The following HMCN1 variants were observed in gnomAD, a reference collection of about 807,000 sequenced individuals.
HMCN1 encodes the protein hemicentin-1.
In HMCN1, 321 loss-of-function variants were observed where a neutral mutation model predicts 625.9. The observed-to-expected ratio is 0.51, with a 90% confidence interval of 0.47 to 0.56. The LOEUF is 0.56. Ranked by LOEUF, HMCN1 falls within the 20% of genes least tolerant of loss-of-function variation. HMCN1 has a pLI of 0.00. For missense variants in HMCN1, 6,588 were observed against 6,887.3 expected, an observed-to-expected ratio of 0.96 and a Z score of 1.54; for synonymous variants, 2,425 against 2,417.6, an observed-to-expected ratio of 1.00 and a Z score of -0.09.
chr1:186,019,354 GTAAC>G (rs905492941), intron 34 of HMCN1, among the ~76,000 whole-genome samples, 183 bp from the exon 35 acceptor site: 21 of 152,034 alleles, frequency 1.4e-4, no homozygotes, highest in Admixed American at 1.3e-3. Context: ...TAGTTAAGAA[GTAAC>G]TAATCTATAA....
chr1:186,055,260 T>A, intron 44 of HMCN1, 133 bp from the exon 45 acceptor site: 1 of 827,100 alleles, frequency 1.2e-6, no homozygotes, highest in Non-Finnish European at 2.0e-6. Context: ...TGTCTGTTAG[T>A]CCTGGGTCTT....
chr1:185,861,649 C>A (rs1241929298), intron 2 of HMCN1, among the ~76,000 whole-genome samples: 1 of 152,162 alleles, frequency 6.6e-6, no homozygotes, highest in East Asian at 1.9e-4. Context: ...TCCCACTTTC[C>A]TATTACATAA....
chr1:186,038,720 C>A, intron 37 of HMCN1, 109 bp from the exon 38 acceptor site: 1 of 717,534 alleles, frequency 1.4e-6, no homozygotes, highest in Non-Finnish European at 2.5e-6. Context: ...AGATTAAATT[C>A]AAATAATAAG....
intron 6 of HMCN1, among the ~76,000 whole-genome samples, chr1:185,914,004 A>G (rs545260287): frequency 1.8e-4 from 27 of 152,282 alleles, no homozygotes; most frequent in Non-Finnish European, 3.7e-4. Context: ...AAGACACAGT[A>G]TCTATTATTA....
At position 185,995,019 on chromosome 1, in the gene HMCN1, G is replaced by A; in HGVS notation, c.3710G>A (p.Gly1237Asp). The A allele has an allele frequency of 6.2e-7, 1 of 1,613,700 alleles. No individual in the cohort carries two copies. The highest frequency in any genetic ancestry group is 8.5e-7 in the Non-Finnish European group (1 of 1,179,752). ...SIDQATPSDA[G>D]IYTCVATNIA... ...GACCAAGCCACGCCCTCAGATGCTG[G>A]CATATATACATGTGTTGCTACTAAC... is the stretch of plus-strand genomic sequence containing the variant. Residue 1237 changes from glycine (G) to aspartate (D), a missense_variant, in exon 24 of 107, where the codon GGC (glycine) becomes GAC (aspartate). Physicochemically the swap from Gly to Asp is moderately conservative, Grantham distance 94. This residue lies in a region of HMCN1 where 4,628 missense variants were observed against 4,853.1 expected (regional missense o/e 0.95). Coordinates refer to ENST00000271588, the MANE Select transcript of HMCN1 (RefSeq NM_031935.3).
At position 185,739,696 on chromosome 1, in the gene HMCN1, G is replaced by A. The variant is rs146941439; in HGVS notation, c.268+4649G>A. Among the ~76,000 whole-genome samples, 78 of 152,258 alleles carry A rather than the reference G, an allele frequency of 5.1e-4. 1 individual carries two copies. The East Asian group carries it at 7.5e-3, about 15-fold the overall frequency. On this transcript the variant is annotated intron_variant, in intron 1 of 106. Transcript: ENST00000271588. ...AAAAGGGCGTAAAACAGATAAAAGC[G>A]CCTGCATTCATGGAGCTTACATTCT...
chr1:185,874,894 G>GA (rs1020445687), intron 4 of HMCN1, among the ~76,000 whole-genome samples: 48 of 151,832 alleles, frequency 3.2e-4, no homozygotes, highest in African/African-American at 1.0e-3. Flanking sequence ...TAAAAAAGGA[G>GA]AAAGTCTTCA....
chr1:185,832,085 C>G (rs149869442), intron 1 of HMCN1, among the ~76,000 whole-genome samples: 11 of 152,140 alleles, frequency 7.2e-5, no homozygotes, highest in Non-Finnish European at 1.3e-4. Context: ...CTCTTGAGGT[C>G]GGAAGTTCGA....
intron 1 of HMCN1, among the ~76,000 whole-genome samples, chr1:185,783,873 C>G (rs1169623339): frequency 5.3e-5 from 8 of 152,204 alleles, no homozygotes; most frequent in African/African-American, 1.2e-4. Flanking sequence ...GTCTTCAAAG[C>G]TGTTAGCCAC....
chr1:186,090,907 GA>G lies in HMCN1; in HGVS notation c.9880del (p.Arg3294GlufsTer4). ...AAAGCCCATAGCTAGTGGTGAAACA[GA>G]AAGAATCCGGTATGTTTAAAAATAA... ...DGKPIASGET[E>X]RIRVSANGST... is the part of the protein sequence containing the mutation. On this transcript the variant is annotated frameshift_variant, in exon 64 of 107. Coordinates refer to ENST00000271588, the MANE Select transcript of HMCN1 (RefSeq NM_031935.3). LOFTEE classifies it high-confidence loss of function. 1.2e-6 allele frequency: 2 copies of G among 1,611,900 alleles called. No individual in the cohort carries two copies. The highest frequency in any genetic ancestry group is 1.7e-6 in the Non-Finnish European group (2 of 1,178,470).
chr1:185,765,748 A>G (rs1655832834), intron 1 of HMCN1, among the ~76,000 whole-genome samples: 1 of 152,224 alleles, frequency 6.6e-6, no homozygotes, highest in South Asian at 2.1e-4. Context: ...GACTAGCAGC[A>G]TCAGCATTAA....
rs186772200 is a variant in HMCN1, at chr1:186,034,182, C to T, written c.5750-3752C>T. Among the ~76,000 whole-genome samples, 626 of 152,184 alleles carry T rather than the reference C, an allele frequency of 4.1e-3. 6 individuals carry two copies. The highest frequency in any genetic ancestry group is 0.013 in the Admixed American group (204 of 15,270). The stretch of plus-strand genomic sequence containing the variant: ...CACACACTTCCTCACATGCCCTGCC[C>T]GTTGCTGGCTTTGAAGATGGAGGAA... On this transcript the variant is annotated intron_variant, in intron 36 of 106. Coordinates refer to ENST00000271588, the MANE Select transcript of HMCN1 (RefSeq NM_031935.3).
chr1:186,107,796 T>G (rs1660682042), intron 70 of HMCN1, among the ~76,000 whole-genome samples: 1 of 152,122 alleles, frequency 6.6e-6, no homozygotes, highest in Non-Finnish European at 1.5e-5. Flanking sequence ...ACACTCACTC[T>G]TCTAAGGATT....
chr1:186,051,060 G>A (rs1217963362), intron 42 of HMCN1, among the ~76,000 whole-genome samples: 1 of 151,994 alleles, frequency 6.6e-6, no homozygotes, highest in Admixed American at 6.6e-5. Flanking sequence ...TATTCAATGA[G>A]CTTAATATCA....
intron 1 of HMCN1, among the ~76,000 whole-genome samples, chr1:185,779,771 C>G (rs1349376378): frequency 6.6e-6 from 1 of 152,190 alleles, no homozygotes; most frequent in African/African-American, 2.4e-5. Context: ...AGTTTGAAGT[C>G]AGGTAGTGTG....
chr1:185,982,485 G>A, intron 18 of HMCN1, 96 bp downstream of exon 18: 1 of 1,184,136 alleles, frequency 8.4e-7, no homozygotes, highest in Non-Finnish European at 1.2e-6. Context: ...CTGTCACCTA[G>A]GCTGGAGTGC....
chr1:185,947,930 C>A (rs1278177500), intron 11 of HMCN1, among the ~76,000 whole-genome samples: 1 of 152,160 alleles, frequency 6.6e-6, no homozygotes, highest in Non-Finnish European at 1.5e-5. Context: ...CTAGAACTTG[C>A]TGGACTTACC....
chr1:185,872,985 C>A (rs1663713836), intron 4 of HMCN1, among the ~76,000 whole-genome samples: 1 of 151,976 alleles, frequency 6.6e-6, no homozygotes, highest in African/African-American at 2.4e-5. Context: ...GCACAGAAGA[C>A]CTATATCTAA....
In HMCN1 at chr1:186,073,695, A is replaced by T. The variant is rs1360672005; in HGVS notation, c.8140-1046A>T. 7.2e-5 allele frequency among the ~76,000 whole-genome samples: 11 copies of T among 152,136 alleles called. No homozygotes were observed. The East Asian group carries it at 2.1e-3, about 29-fold the overall frequency. On this transcript the variant is annotated intron_variant, in intron 52 of 106. Transcript: ENST00000271588. Reference sequence around the variant, plus strand: ...ATACAAGGAACAATTATCATGACAGATCTTCTCTGGGTAAGAAGGGAATAG... The same window carrying T: ...ATACAAGGAACAATTATCATGACAGTTCTTCTCTGGGTAAGAAGGGAATAG...
Sources: gnomAD v4.1 joint callset for allele counts (sites outside exome capture counted in the v4.1 genomes callset) on GRCh38, gnomAD v4.1.1 for gene constraint, gnomAD v4.1.1 regional missense constraint, MANE v1.5 for transcripts, NCBI Gene and HGNC (gene_info 2026-07-23, HGNC 2026-07-21) for gene names.